Variants in KLF12 observed in about 807,000 individuals in gnomAD.
The protein encoded by KLF12 is Krueppel-like factor 12.
In KLF12, 9 loss-of-function variants were observed where a neutral mutation model predicts 37.8. The ratio of observed to expected loss-of-function variants is 0.24; its 90% confidence interval spans 0.14 to 0.42. The LOEUF (loss-of-function observed/expected upper bound fraction) is 0.42. Ranked by LOEUF, KLF12 falls within the 10% of genes least tolerant of loss-of-function variation. The pLI, the probability that KLF12 is intolerant of heterozygous loss-of-function variation, is 1.00. For missense variants in KLF12, 411 were observed against 516.0 expected (o/e 0.80, Z 1.97); for synonymous variants, 208 against 202.1 (o/e 1.03, Z -0.25).
chr13:73,793,849 G>C (rs749439069), intron 5 of KLF12, among the ~76,000 whole-genome samples: 2 of 152,080 alleles, frequency 1.3e-5, no homozygotes, highest in Non-Finnish European at 2.9e-5. Context: ...ACACAGTCAC[G>C]GTGCGTCATG....
At chr13:73,909,277 A>G (rs931986262) in intron 3 of KLF12, among the ~76,000 whole-genome samples, 1 of 152,204 alleles carries the variant, frequency 6.6e-6, no homozygotes, top group African/African-American at 2.4e-5. Flanking sequence ...CACTTGTCAG[A>G]AAGAGGACCT....
At chr13:74,121,242 A>C (rs183584566) in intron 1 of KLF12, among the ~76,000 whole-genome samples, 243 of 152,248 alleles carry the variant, frequency 1.6e-3, no homozygotes, top group African/African-American at 5.6e-3. Context: ...ATAAGGAGTC[A>C]AAAAATCAGT....
intron 1 of KLF12, among the ~76,000 whole-genome samples, chr13:74,054,605 G>T (rs116298710): frequency 6.6e-6 from 1 of 152,220 alleles, no homozygotes; most frequent in Non-Finnish European, 1.5e-5. Flanking sequence ...TAATGCAGGA[G>T]CACATAAGCT....
intron 7 of KLF12, among the ~76,000 whole-genome samples, chr13:73,699,907 C>A (rs1480042774): frequency 6.6e-6 from 1 of 151,988 alleles, no homozygotes; most frequent in Non-Finnish European, 1.5e-5. Context: ...AGGGAAGAGG[C>A]CTCAGAAATA....
intron 3 of KLF12, among the ~76,000 whole-genome samples, chr13:73,877,008 G>A (rs1304103776): frequency 1.2e-4 from 18 of 147,666 alleles, no homozygotes; most frequent in Non-Finnish European, 2.4e-4. Flanking sequence ...GTGAGACTCC[G>A]TCTCAAAAAA....
chr13:73,819,016 G>A (rs1014533507), intron 4 of KLF12, among the ~76,000 whole-genome samples: 1 of 152,188 alleles, frequency 6.6e-6, no homozygotes, highest in Non-Finnish European at 1.5e-5. Context: ...GAATGTTTGG[G>A]GAGGAATGTT....
Position 74,109,136 on chromosome 13 carries a change from T to C in KLF12, c.-32+24603A>G, listed in dbSNP as rs945198385. Reference sequence around the variant, plus strand: ...TAAACACAAATATTTGAAAAAAAGTTGATAAAACAGATAAATCATCAACTA... The same window carrying C: ...TAAACACAAATATTTGAAAAAAAGTCGATAAAACAGATAAATCATCAACTA... On this transcript the variant is annotated intron_variant, in intron 1 of 7. Coordinates refer to ENST00000377669, the MANE Select transcript of KLF12 (RefSeq NM_007249.5). Among the ~76,000 whole-genome samples the C allele has an allele frequency of 3.9e-5, 6 of 152,206 alleles. No homozygotes were observed. In the East Asian group the frequency reaches 1.2e-3, roughly 29 times the overall value.
chr13:74,170,149 G>A, the KLF12 span, among the ~76,000 whole-genome samples: 339 of 152,086 alleles, frequency 2.2e-3, no homozygotes, highest in Middle Eastern at 0.01. Context: ...TTCTAAAAGC[G>A]TAATTACGCC....
At chr13:74,078,198 T>C (rs981005213) in intron 1 of KLF12, among the ~76,000 whole-genome samples, 1 of 152,004 alleles carries the variant, frequency 6.6e-6, no homozygotes, top group East Asian at 1.9e-4. Context: ...TCAGGAGGAG[T>C]GCGCATTTAC....
At position 73,695,640 on chromosome 13, in the gene KLF12, G is replaced by C; in HGVS notation, c.1059C>G (p.Gly353=). 1 of 1,614,088 alleles carries C rather than the reference G, an allele frequency of 6.2e-7. No homozygotes were observed. Among genetic ancestry groups the C allele is most frequent in the Non-Finnish European group, 8.5e-7 (1 of 1,179,958 alleles). Reference sequence around the variant, plus strand: ...CTGAACGAGCGAACTTCCAGGTGCAGCCTTCCCAGGTACACTTGTAAGGTT... The same window carrying C: ...CTGAACGAGCGAACTTCCAGGTGCACCCTTCCCAGGTACACTTGTAAGGTT... Residue 353 remains glycine (G), a synonymous_variant, in exon 8 of 8, where the codon GGC becomes GGG. Coordinates refer to ENST00000377669, the MANE Select transcript of KLF12 (RefSeq NM_007249.5).
At chr13:74,032,991 C>T (rs1371052123) in intron 1 of KLF12, among the ~76,000 whole-genome samples, 1 of 152,198 alleles carries the variant, frequency 6.6e-6, no homozygotes, top group Non-Finnish European at 1.5e-5. Context: ...ACGTCACTTA[C>T]TAATTTCCTA....
At chr13:73,777,199 G>A (rs1594078964) in intron 5 of KLF12, among the ~76,000 whole-genome samples, 1 of 152,142 alleles carries the variant, frequency 6.6e-6, no homozygotes, top group Non-Finnish European at 1.5e-5. Flanking sequence ...GAGGCAGCCA[G>A]GTATATGAGT....
At chr13:73,827,994 T>C (rs1883943044) in intron 4 of KLF12, among the ~76,000 whole-genome samples, 1 of 152,188 alleles carries the variant, frequency 6.6e-6, no homozygotes, top group Non-Finnish European at 1.5e-5. Flanking sequence ...TTTGCAAAGG[T>C]ATATTCTTTA....
the KLF12 span, among the ~76,000 whole-genome samples, chr13:74,290,710 T>C: frequency 1.3e-5 from 2 of 152,234 alleles, no homozygotes; most frequent in African/African-American, 4.8e-5. Context: ...TTGCAGTTTC[T>C]TTACAAGCCC....
At chr13:73,704,157 T>A (rs1874752865) in intron 7 of KLF12, among the ~76,000 whole-genome samples, 1 of 152,178 alleles carries the variant, frequency 6.6e-6, no homozygotes, top group South Asian at 2.1e-4. Flanking sequence ...ACTTAACTTC[T>A]CGCGTGGCAG....
intron 1 of KLF12, among the ~76,000 whole-genome samples, chr13:74,061,497 T>C (rs1416353840): frequency 6.6e-6 from 1 of 152,196 alleles, no homozygotes; most frequent in Non-Finnish European, 1.5e-5. Flanking sequence ...GACTTTCAAT[T>C]AGACTCATCC....
At chr13:73,744,460 C>T (rs1878225948) in intron 6 of KLF12, among the ~76,000 whole-genome samples, 2 of 151,642 alleles carry the variant, frequency 1.3e-5, no homozygotes, top group Admixed American at 1.3e-4. Flanking sequence ...CAAGATAGGC[C>T]TTTATAAACC....
At chr13:73,824,305 C>T (rs1386689961) in intron 4 of KLF12, among the ~76,000 whole-genome samples, 1 of 152,084 alleles carries the variant, frequency 6.6e-6, no homozygotes, top group African/African-American at 2.4e-5. Context: ...TAAACTGACC[C>T]CCGGTGCATA....
the KLF12 span, among the ~76,000 whole-genome samples, chr13:74,182,923 A>T: frequency 6.6e-6 from 1 of 152,092 alleles, no homozygotes; most frequent in African/African-American, 2.4e-5. Flanking sequence ...GGGACCCTGA[A>T]TGCAGTATTT....
Sources: allele counts gnomAD v4.1 joint callset (sites outside exome capture counted in the v4.1 genomes callset), GRCh38; gene constraint gnomAD v4.1.1; transcripts MANE v1.5; gene names NCBI Gene and HGNC (gene_info 2026-07-23, HGNC 2026-07-21).